Variants in ZBTB43 observed in about 807,000 individuals in gnomAD.
ZBTB43 encodes the protein zinc finger and BTB domain-containing protein 43.
A neutral mutation model predicts 31.1 loss-of-function variants in ZBTB43; 6 were observed. The observed-to-expected ratio is 0.19, with a 90% CI of 0.11 to 0.38. ZBTB43 has a LOEUF of 0.38. Among genes scored for constraint, ZBTB43 ranks in the 10% least tolerant of loss-of-function variants. The probability of loss-of-function intolerance (pLI) is 1.00; values close to 1 mark genes in which losing one functional copy is unlikely to be tolerated. For synonymous variants in ZBTB43, 212 were observed against 221.7 expected (o/e 0.96, Z 0.39); for missense variants, 379 against 602.1 (o/e 0.63, Z 3.88).
intron 2 of ZBTB43, among the ~76,000 whole-genome samples, chr9:126,821,453 C>T (rs573264343): frequency 1.5e-4 from 23 of 152,110 alleles, no homozygotes; most frequent in African/African-American, 5.1e-4. Context: ...TAAGAACATT[C>T]GTGATTGGTG....
chr9:126,836,680 C>G lies in ZBTB43; in HGVS notation c.*2767C>G, dbSNP rs748499076. On this transcript the variant is annotated 3_prime_UTR_variant, in exon 3 of 3. Transcript: ENST00000373464. ...TTGGATGGTTGTGGGTAACATTGTT[C>G]AAACAATCTTTCAGGGATCACGTCA... 3 of 166,950 alleles carry G rather than the reference C, an allele frequency of 1.8e-5. No individual in the cohort carries two copies. The highest frequency in any genetic ancestry group is 4.4e-5 in the Non-Finnish European group (3 of 68,094). 10.3% of individuals were successfully genotyped at this position (166,950 alleles called of 1,614,324 possible).
Position 126,833,872 on chromosome 9 carries a change from G to A in ZBTB43, c.1363G>A (p.Glu455Lys), listed in dbSNP as rs759846609. ...TGTGACTTCTTGTACTAAGTCCTACGAAGCTGCAAAGGCTGAGCAGAATAC... is the reference window on the plus strand; with the variant it reads ...TGTGACTTCTTGTACTAAGTCCTACAAAGCTGCAAAGGCTGAGCAGAATAC... ...RHVTSCTKSY[E>K]AAKAEQNTTE... is the part of the protein sequence containing the mutation. Residue 455 changes from glutamate to lysine, a missense_variant, in exon 3 of 3, where the codon GAA (glutamate) becomes AAA (lysine). By Grantham distance (56) the Glu-to-Lys change is moderately conservative. Around this residue, in one of 5 missense-constraint regions of ZBTB43, gnomAD observed 21 missense variants for 22.4 expected, o/e 0.94. Coordinates refer to ENST00000373464, the MANE Select transcript of ZBTB43 (RefSeq NM_014007.4). This position sits in a 1 kb window ranked among gnomAD's most constrained non-coding sequence, Gnocchi z 7.9. 1.9e-6 allele frequency: 3 copies of A among 1,593,506 alleles called. No individual in the cohort carries two copies. Among genetic ancestry groups the A allele is most frequent in the Non-Finnish European group, 2.6e-6 (3 of 1,162,798 alleles).
chr9:126,823,056 G>C (rs374310260), intron 2 of ZBTB43, among the ~76,000 whole-genome samples: 3 of 152,000 alleles, frequency 2.0e-5, no homozygotes, highest in Non-Finnish European at 4.4e-5. Flanking sequence ...ATTTTATTGC[G>C]GTGTTCTTGA....
chr9:126,824,066 G>T (rs1164194852), intron 2 of ZBTB43, among the ~76,000 whole-genome samples: 2 of 151,672 alleles, frequency 1.3e-5, no homozygotes, highest in African/African-American at 2.4e-5. Context: ...TCACTCTGTT[G>T]CCCAGGCTGG....
chr9:126,817,962 A>G (rs766483602), intron 2 of ZBTB43, among the ~76,000 whole-genome samples: 36 of 152,256 alleles, frequency 2.4e-4, no homozygotes, highest in Non-Finnish European at 4.3e-4. Context: ...AGTTAAGGGC[A>G]AGGATTTTTG....
At chr9:126,806,963 G>T (rs540979381) in intron 1 of ZBTB43, among the ~76,000 whole-genome samples, 11 of 152,284 alleles carry the variant, frequency 7.2e-5, no homozygotes, top group African/African-American at 2.6e-4. Context: ...TTCACAGGAA[G>T]AAAACTCATA....
At position 126,833,754 on chromosome 9, in the gene ZBTB43, C is replaced by G. The variant is rs778833693; in HGVS notation, c.1245C>G (p.Leu415=). 1.2e-6 allele frequency: 2 copies of G among 1,611,050 alleles called. No homozygotes were observed. The highest frequency in any genetic ancestry group is 4.5e-5 in the East Asian group (2 of 44,742). The part of the protein sequence containing the change: ...CGKKFKMKHH[L]VGHMKIHTGI... ...AGAAATTCAAAATGAAGCACCATCT[C>G]GTGGGCCACATGAAAATTCACACAG... Residue 415 remains leucine (L), a synonymous_variant, in exon 3 of 3, where the codon CTC becomes CTG. Transcript: ENST00000373464. The surrounding 1 kb of genome is among the most constrained non-coding windows in gnomAD (Gnocchi z 7.9).
At chr9:126,827,433 C>T (rs923369449) in intron 2 of ZBTB43, among the ~76,000 whole-genome samples, 1 of 152,204 alleles carries the variant, frequency 6.6e-6, no homozygotes, top group Non-Finnish European at 1.5e-5. Flanking sequence ...GGCCACCTTC[C>T]TGCAGGCTGT....
chr9:126,826,454 CTTTT>C (rs35094731), intron 2 of ZBTB43, among the ~76,000 whole-genome samples: 1 of 53,576 alleles, frequency 1.9e-5, no homozygotes, highest in African/African-American at 5.4e-5. Context: ...GCCCCCCCGC[CTTTT>C]TTTTTTTTTT....
intron 2 of ZBTB43, among the ~76,000 whole-genome samples, chr9:126,828,639 A>ATT (rs1564206179): frequency 2.4e-5 from 3 of 126,936 alleles, no homozygotes; most frequent in African/African-American, 1.0e-4. Flanking sequence ...AAATAATAAT[A>ATT]ATAATAATAA....
In ZBTB43 at chr9:126,833,378, A is replaced by G; in HGVS notation, c.869A>G (p.Asp290Gly). ...HTVQPSGVEE[D>G]FHIGEKKVEA... is the part of the protein sequence containing the mutation. ...GTGCAGCCTTCGGGAGTGGAGGAGG[A>G]CTTCCACATCGGGGAGAAGAAAGTG... Residue 290 changes from aspartate to glycine, a missense_variant, in exon 3 of 3, where the codon GAC becomes GGC. Physicochemically the swap from Asp to Gly is moderately conservative, Grantham distance 94. Around this residue, in one of 5 missense-constraint regions of ZBTB43, gnomAD observed 253 missense variants for 322.3 expected, o/e 0.79. Coordinates refer to ENST00000373464, the MANE Select transcript of ZBTB43 (RefSeq NM_014007.4). This position sits in a 1 kb window ranked among gnomAD's most constrained non-coding sequence, Gnocchi z 7.9. 1 of 1,613,614 alleles carries G rather than the reference A, an allele frequency of 6.2e-7. No individual in the cohort carries two copies. Among genetic ancestry groups the G allele is most frequent in the Non-Finnish European group, 8.5e-7 (1 of 1,179,792 alleles).
chr9:126,835,900 A>C lies in ZBTB43; in HGVS notation c.*1987A>C, dbSNP rs938943864. 6.0e-6 allele frequency: 1 copy of C among 166,976 alleles called. No individual in the cohort carries two copies. The highest frequency in any genetic ancestry group is 1.5e-5 in the Non-Finnish European group (1 of 68,118). The allele number at this position is 166,976 out of a possible 1,614,324, so 10.3% of individuals were successfully genotyped here. Reference sequence around the variant, plus strand: ...CCTATTGTCTCCTTTTCTTTCACTCATGGTAGAGGCCAGTGGGTTTTAGGT... The same window carrying C: ...CCTATTGTCTCCTTTTCTTTCACTCCTGGTAGAGGCCAGTGGGTTTTAGGT... On this transcript the variant is annotated 3_prime_UTR_variant, in exon 3 of 3. Transcript: ENST00000373464.
chr9:126,805,981 G>A (rs1298460906), intron 1 of ZBTB43, among the ~76,000 whole-genome samples: 1 of 152,216 alleles, frequency 6.6e-6, no homozygotes, highest in Non-Finnish European at 1.5e-5. Context: ...AACTCTGACA[G>A]GTGTCGCCCA....
intron 2 of ZBTB43, among the ~76,000 whole-genome samples, chr9:126,816,215 C>G (rs1435086151): frequency 6.6e-6 from 1 of 152,178 alleles, no homozygotes; most frequent in Non-Finnish European, 1.5e-5. Flanking sequence ...ATCATCTTCT[C>G]TCTCGCTGTT....
In ZBTB43 at chr9:126,817,100, C is replaced by CTTTTTTTTTTTT. The variant is rs780632905; in HGVS notation, c.-24+8202_-24+8213dup. Reference sequence around the variant, plus strand: ...CAACTTGGCCCCATTTCCACTGTATCTTTTTTTTTTTTTTTTTTTTTTTTT... The same window carrying CTTTTTTTTTTTT: ...CAACTTGGCCCCATTTCCACTGTATCTTTTTTTTTTTTTTTTTTTTTTTTTTTTTTTTTTTTT... On this transcript the variant is annotated intron_variant, in intron 2 of 2. Transcript: ENST00000373464. Among the ~76,000 whole-genome samples the CTTTTTTTTTTTT allele has an allele frequency of 3.4e-4, 19 of 55,360 alleles. 1 individual carries two copies. Among genetic ancestry groups the CTTTTTTTTTTTT allele is most frequent in the South Asian group, 1.2e-3 (1 of 806 alleles). 36.3% of individuals were successfully genotyped at this position (55,360 alleles called of 152,430 possible). A position where few individuals can be genotyped will look rare whatever the true frequency, so the allele number is the denominator to read the frequency against.
intron 2 of ZBTB43, chr9:126,831,802 A>C (rs1253580633): frequency 1.3e-5 from 2 of 151,868 alleles, no homozygotes; most frequent in African/African-American, 4.8e-5. Flanking sequence ...AATACAAAAA[A>C]AAAAAATTAA....
intron 2 of ZBTB43, among the ~76,000 whole-genome samples, chr9:126,827,381 C>T (rs530232933): frequency 1.2e-4 from 18 of 152,228 alleles, no homozygotes; most frequent in Non-Finnish European, 2.4e-4. Flanking sequence ...GGTCCTTCCT[C>T]CACCCCCTCC....
At chr9:126,828,655 A>T (rs1197414431) in intron 2 of ZBTB43, among the ~76,000 whole-genome samples, 1 of 132,090 alleles carries the variant, frequency 7.6e-6, no homozygotes, top group African/African-American at 2.9e-5. Context: ...AATAATAATA[A>T]TTATTATTAT....
At chr9:126,831,529 G>GT (rs776096368) in intron 2 of ZBTB43, 2 of 151,884 alleles carry the variant, frequency 1.3e-5, no homozygotes, top group Non-Finnish European at 2.9e-5. Context: ...GCCAGGAGCG[G>GT]TGGTTCATGC....
Sources: gnomAD v4.1 joint callset for allele counts (sites outside exome capture counted in the v4.1 genomes callset) on GRCh38, gnomAD v4.1.1 for gene constraint, gnomAD v4.1.1 regional missense constraint, Gnocchi (gnomAD v3.1) non-coding constraint, MANE v1.5 for transcripts, NCBI Gene and HGNC (gene_info 2026-07-23, HGNC 2026-07-21) for gene names.